THBS4: variants seen among roughly 807,000 people sequenced by gnomAD.
THBS4 encodes the protein thrombospondin-4.
In THBS4, 90 loss-of-function variants were observed where a neutral mutation model predicts 115.7. That is an observed-to-expected ratio of 0.78 (90% CI 0.66 to 0.93). The LOEUF is 0.93. Ranked by LOEUF, THBS4 falls within the 40% of genes least tolerant of loss-of-function variation. The pLI, the probability that THBS4 is intolerant of heterozygous loss-of-function variation, is 0.00. For missense variants in THBS4, 1,087 were observed against 1,232.7 expected, an observed-to-expected ratio of 0.88 and a Z score of 1.77; for synonymous variants, 460 against 479.3, an observed-to-expected ratio of 0.96 and a Z score of 0.53.
At chr5:80,045,180 A>G (rs1243923211) in intron 2 of THBS4, among the ~76,000 whole-genome samples, 2 of 152,194 alleles carry the variant, frequency 1.3e-5, no homozygotes, top group East Asian at 1.9e-4. Context: ...CTGTTTTCTA[A>G]TGATGATGGT....
chr5:80,056,121 G>A, intron 3 of THBS4, 89 bp downstream of exon 3: 1 of 1,441,004 alleles, frequency 6.9e-7, no homozygotes, highest in Non-Finnish European at 9.2e-7. Flanking sequence ...AATTCCTGCT[G>A]CAGGTCAGTG....
At chr5:80,072,946 C>T (rs1438692098) in intron 14 of THBS4, among the ~76,000 whole-genome samples, 3 of 152,200 alleles carry the variant, frequency 2.0e-5, no homozygotes, top group Non-Finnish European at 4.4e-5. Context: ...ATCAACCTGC[C>T]TTCTCCCCAT....
intron 1 of THBS4, among the ~76,000 whole-genome samples, chr5:79,994,037 G>A (rs1401427287): frequency 6.6e-6 from 1 of 152,152 alleles, no homozygotes; most frequent in African/African-American, 2.4e-5. Flanking sequence ...TGATACCTCT[G>A]CTCATTCATT....
At chr5:80,045,897 T>C (rs1257722699) in intron 2 of THBS4, among the ~76,000 whole-genome samples, 1 of 152,198 alleles carries the variant, frequency 6.6e-6, no homozygotes, top group Non-Finnish European at 1.5e-5. Flanking sequence ...CTTTTAACTT[T>C]CACAATATTC....
In THBS4 at chr5:80,083,092, A is replaced by G; in HGVS notation, c.2837A>G (p.Glu946Gly). Residue 946 changes from glutamate to glycine, a missense_variant, in exon 22 of 22, where the codon GAG becomes GGG. Glu to Gly is a moderately conservative substitution (Grantham distance 98, BLOSUM62 -2). Coordinates refer to ENST00000350881, the MANE Select transcript of THBS4 (RefSeq NM_003248.6). ...LKYRCNDTIP[E>G]DFQEFQTQNF... ...ATTCCTATTGCAGACACCATCCCTG[A>G]GGACTTCCAAGAGTTTCAAACCCAG... The G allele has an allele frequency of 6.2e-7, 1 of 1,614,072 alleles. No individual in the cohort carries two copies. Among genetic ancestry groups the G allele is most frequent in the South Asian group, 1.1e-5 (1 of 91,082 alleles).
chr5:80,074,008 C>T (rs953519263), intron 15 of THBS4, among the ~76,000 whole-genome samples: 19 of 152,192 alleles, frequency 1.2e-4, no homozygotes, highest in Admixed American at 7.2e-4. Context: ...CCTCAATTTT[C>T]TCATCTGTAA....
rs1477093590 is a variant in THBS4, at chr5:80,015,323, A to G, written n.177+16896A>G. On this transcript the variant is annotated intron_variant and non_coding_transcript_variant, in intron 2 of 3. Transcript: ENST00000510218. ...GGTATGGGCTTCCCTTAGATGATCC[A>G]GCTATCAGGTTCTGCCAAGGTGAGT... Among the ~76,000 whole-genome samples, 4 of 152,190 alleles carry G rather than the reference A, an allele frequency of 2.6e-5. No individual in the cohort carries two copies. In the East Asian group the frequency reaches 7.7e-4, roughly 29 times the overall value.
chr5:80,068,001 C>T lies in THBS4; in HGVS notation c.1223C>T (p.Pro408Leu), dbSNP rs772857076. 1.4e-5 allele frequency: 23 copies of T among 1,614,086 alleles called. No individual in the cohort carries two copies. The highest frequency in any genetic ancestry group is 5.5e-5 in the South Asian group (5 of 91,076). ...TCTTACCGCTGTGGGCCTTGTAAGC[C>T]GGGGTATACTGGTGATCAGATAAGG... Reference protein sequence around the residue: ...LGSYRCGPCKPGYTGDQIRGC... With the variant: ...LGSYRCGPCKLGYTGDQIRGC... The change falls in exon 10 of 22, where the codon CCG becomes CTG. Residue 408 changes from proline to leucine, a missense_variant. Pro to Leu is a moderately conservative substitution (Grantham distance 98). Coordinates refer to ENST00000350881, the MANE Select transcript of THBS4 (RefSeq NM_003248.6).
At chr5:80,070,597 TA>T in intron 11 of THBS4, 45 bp from the exon 12 acceptor site, 1 of 1,574,748 alleles carries the variant, frequency 6.4e-7, no homozygotes, top group Non-Finnish European at 8.7e-7. Context: ...GTTACTGGCT[TA>T]ACACAAATGT....
rs368948777 is a variant in THBS4 at position 80,058,209 on chromosome 5, T to C, written c.544T>C (p.Phe182Leu). ...LRTFQRKPQD[F>L]LEELKLVVRG... ...GTATGAATGTGATTTCTTCCAGGAC[T>C]TCTTGGAAGAGCTGAAGCTGGTGGT... The change falls in exon 4 of 22, where the codon TTC becomes CTC. Residue 182 changes from phenylalanine (F) to leucine (L), a missense_variant. Physicochemically the swap from Phe to Leu is conservative, Grantham distance 22. Transcript: ENST00000350881. The C allele has an allele frequency of 1.9e-5, 30 of 1,569,624 alleles. No homozygotes were observed. In the African/African-American group the frequency reaches 3.1e-4, roughly 16 times the overall value.
chr5:80,079,144 C>G lies in THBS4; in HGVS notation c.2397C>G (p.Ile799Met), dbSNP rs772861479. The change falls in exon 19 of 22, where the codon ATC becomes ATG. Residue 799 changes from isoleucine (I) to methionine (M), a missense_variant. Coordinates refer to ENST00000350881, the MANE Select transcript of THBS4 (RefSeq NM_003248.6). ...CAGATGATGACTATGCAGGCTTTAT[C>G]TTTGGCTACCAAGATAGCTCCAGCT... ...TQTDDDYAGF[I>M]FGYQDSSSFY... is the part of the protein sequence containing the mutation. 1 of 1,614,214 alleles carries G rather than the reference C, an allele frequency of 6.2e-7. No individual in the cohort carries two copies. Among genetic ancestry groups the G allele is most frequent in the South Asian group, 1.1e-5 (1 of 91,082 alleles).
chr5:80,003,188 A>G (rs1831940296), intron 2 of THBS4, among the ~76,000 whole-genome samples: 1 of 152,168 alleles, frequency 6.6e-6, no homozygotes, highest in Non-Finnish European at 1.5e-5. Context: ...GAATACTGCA[A>G]ACTTAAGTAG....
chr5:80,043,495 C>T (rs1462263434), intron 2 of THBS4, among the ~76,000 whole-genome samples: 1 of 152,132 alleles, frequency 6.6e-6, no homozygotes, highest in Admixed American at 6.5e-5. Flanking sequence ...TGCTGATTTG[C>T]GTGGAAAACG....
In THBS4 at chr5:80,068,142, C is replaced by T. The variant is rs555507476; in HGVS notation, c.1347+17C>T. On this transcript the variant is annotated intron_variant, in intron 10 of 21. Coordinates refer to ENST00000350881, the MANE Select transcript of THBS4 (RefSeq NM_003248.6). Reference sequence around the variant, plus strand: ...ACATGTGTGGTAAGTTGTTTTTTGACTTCCTCTATCATTTTTCCTCTTCCA... The same window carrying T: ...ACATGTGTGGTAAGTTGTTTTTTGATTTCCTCTATCATTTTTCCTCTTCCA... 8 of 1,612,842 alleles carry T rather than the reference C, an allele frequency of 5.0e-6. No individual in the cohort carries two copies. In the African/African-American group the frequency reaches 8.0e-5, roughly 16 times the overall value.
intron 2 of THBS4, among the ~76,000 whole-genome samples, chr5:80,015,406 A>G (rs1832227043): frequency 6.6e-6 from 1 of 152,174 alleles, no homozygotes; most frequent in Non-Finnish European, 1.5e-5. Context: ...ATAAAGGCCT[A>G]CAAGTACTTA....
chr5:80,074,432 C>A (rs991506535), intron 15 of THBS4: 1 of 152,172 alleles, frequency 6.6e-6, no homozygotes, highest in African/African-American at 2.4e-5. Context: ...AGGTTCTAAA[C>A]CCTTTTGTCT....
chr5:80,073,367 C>A, intron 15 of THBS4, 40 bp downstream of exon 15: 2 of 1,571,450 alleles, frequency 1.3e-6, no homozygotes, highest in Non-Finnish European at 1.7e-6. Context: ...CAGATGCAAA[C>A]ATCCGGAGAG....
At chr5:79,994,109 T>A (rs1409373157) in intron 1 of THBS4, among the ~76,000 whole-genome samples, 1 of 152,258 alleles carries the variant, frequency 6.6e-6, no homozygotes, top group Non-Finnish European at 1.5e-5. Context: ...GAACATTTAA[T>A]AATTTCTGAC....
chr5:80,056,554 T>G (rs2112087467), intron 3 of THBS4, among the ~76,000 whole-genome samples: 1 of 152,350 alleles, frequency 6.6e-6, no homozygotes, highest in East Asian at 1.9e-4. Context: ...TACCATCACC[T>G]CTGTCTTCTG....
Sources: gnomAD v4.1 joint callset for allele counts (sites outside exome capture counted in the v4.1 genomes callset) on GRCh38, gnomAD v4.1.1 for gene constraint, MANE v1.5 for transcripts, NCBI Gene and HGNC (gene_info 2026-07-23, HGNC 2026-07-21) for gene names.